The following MBD5 variants were observed in gnomAD, a reference collection of about 807,000 sequenced individuals.
The protein encoded by MBD5 is methyl-CpG-binding domain protein 5.
MBD5 carries 13 observed loss-of-function variants against 117.3 expected under a neutral mutation model. The ratio of observed to expected loss-of-function variants is 0.11; its 90% CI spans 0.07 to 0.18. The LOEUF is 0.18. MBD5 is among the 10% of genes least tolerant of loss of function. The probability of loss-of-function intolerance (pLI) is 1.00; values close to 1 mark genes in which losing one functional copy is unlikely to be tolerated. For missense variants in MBD5, 1,879 were observed against 2,093.8 expected (o/e 0.90, Z 2.00); for synonymous variants, 727 against 766.4 (o/e 0.95, Z 0.85).
At chr2:148,337,179 T>A (rs1702819477) in intron 3 of MBD5, among the ~76,000 whole-genome samples, 1 of 152,196 alleles carries the variant, frequency 6.6e-6, no homozygotes, top group South Asian at 2.1e-4. Context: ...CTTTCCTGCC[T>A]AGTAGCCCGT....
chr2:148,426,207 G>A (rs1357346642), intron 4 of MBD5, among the ~76,000 whole-genome samples: 1 of 152,160 alleles, frequency 6.6e-6, no homozygotes, highest in Non-Finnish European at 1.5e-5. Flanking sequence ...AATCAATATT[G>A]TGAAAATGGC....
chr2:148,285,289 A>G (rs1353534753), intron 3 of MBD5, among the ~76,000 whole-genome samples: 1 of 152,236 alleles, frequency 6.6e-6, no homozygotes, highest in Non-Finnish European at 1.5e-5. Context: ...TACCTTTGAC[A>G]TTGTAACTGT....
chr2:148,253,608 A>G (rs1184867417), intron 3 of MBD5, among the ~76,000 whole-genome samples: 3 of 152,204 alleles, frequency 2.0e-5, no homozygotes, highest in African/African-American at 7.2e-5. Flanking sequence ...ACTGTAGTCT[A>G]TTAAGTATGC....
intron 4 of MBD5, among the ~76,000 whole-genome samples, chr2:148,390,248 T>G (rs1704524991): frequency 6.6e-6 from 1 of 152,066 alleles, no homozygotes; most frequent in South Asian, 2.1e-4. Flanking sequence ...GGCTTTACTC[T>G]TGGTTTCTCT....
At chr2:148,151,293 C>T (rs952434977) in intron 1 of MBD5, among the ~76,000 whole-genome samples, 2 of 151,576 alleles carry the variant, frequency 1.3e-5, no homozygotes, top group Admixed American at 6.6e-5. Context: ...GGATGAAGCC[C>T]ACTTGATCAT....
intron 1 of MBD5, among the ~76,000 whole-genome samples, chr2:148,150,144 C>T (rs1371797970): frequency 7.4e-6 from 1 of 135,416 alleles, no homozygotes; most frequent in Non-Finnish European, 1.6e-5. Context: ...GATCCAGTTT[C>T]AGCTTTCTAC....
chr2:148,254,342 AC>A (rs1472311581), intron 3 of MBD5, among the ~76,000 whole-genome samples: 1 of 152,164 alleles, frequency 6.6e-6, no homozygotes, highest in African/African-American at 2.4e-5. Flanking sequence ...GTTTTGCAAC[AC>A]CACCTTTCTG....
intron 1 of MBD5, among the ~76,000 whole-genome samples, chr2:148,087,508 G>A (rs540865799): frequency 6.6e-6 from 1 of 152,294 alleles, no homozygotes; most frequent in East Asian, 1.9e-4. Context: ...GGTATCCATG[G>A]CTGGGAGACC....
At chr2:148,167,321 T>G (rs1056550133) in intron 1 of MBD5, among the ~76,000 whole-genome samples, 1 of 152,170 alleles carries the variant, frequency 6.6e-6, no homozygotes, top group Non-Finnish European at 1.5e-5. Flanking sequence ...CATATCTTGT[T>G]GTTTAAACTT....
In MBD5 at chr2:148,179,171, G is replaced by T. The variant is rs1329673018; in HGVS notation, c.-831+378G>T. On this transcript the variant is annotated intron_variant, in intron 2 of 13. Transcript: ENST00000642680. ...AGATCCAGACCATCCTGGAGAACAC[G>T]GTGAAACCCGGTCTCTACTGAAAAT... Among the ~76,000 whole-genome samples the T allele has an allele frequency of 2.0e-5, 3 of 152,040 alleles. No homozygotes were observed. In the South Asian group the frequency reaches 6.2e-4, roughly 32 times the overall value.
At chr2:148,461,106 T>C (rs1707060222) in intron 5 of MBD5, among the ~76,000 whole-genome samples, 1 of 152,170 alleles carries the variant, frequency 6.6e-6, no homozygotes, top group African/African-American at 2.4e-5. Context: ...CTAATGTTTG[T>C]ATTTTTAGTA....
intron 11 of MBD5, among the ~76,000 whole-genome samples, chr2:148,501,747 A>C (rs1681878209): frequency 6.6e-6 from 1 of 152,172 alleles, no homozygotes; most frequent in Non-Finnish European, 1.5e-5. Context: ...TGGCAGTGAT[A>C]AAGCAAGACA....
chr2:148,126,244 A>G lies in MBD5; in HGVS notation c.-924-52456A>G, dbSNP rs1306992578. Among the ~76,000 whole-genome samples the G allele has an allele frequency of 2.6e-5, 4 of 151,810 alleles. No homozygotes were observed. The East Asian group carries it at 7.7e-4, about 29-fold the overall frequency. ...AACCTCGTTTCTACTAAAAATAAAA[A>G]AAAAAAAAAATTTAGCTGGGCGTGG... On this transcript the variant is annotated intron_variant, in intron 1 of 13. Coordinates refer to ENST00000642680, the MANE Select transcript of MBD5 (RefSeq NM_001378120.1).
At chr2:148,276,063 G>A (rs937119996) in intron 3 of MBD5, among the ~76,000 whole-genome samples, 4 of 152,016 alleles carry the variant, frequency 2.6e-5, no homozygotes, top group African/African-American at 9.7e-5. Flanking sequence ...TGTATTCCCA[G>A]CACTTTGGGA....
At chr2:148,266,627 T>C (rs1203453082) in intron 3 of MBD5, among the ~76,000 whole-genome samples, 1 of 152,040 alleles carries the variant, frequency 6.6e-6, no homozygotes, top group African/African-American at 2.4e-5. Context: ...ATAGAGTTAA[T>C]AGAAAATGTC....
rs560207126 is a variant in MBD5, at chr2:148,429,317, G to C, written c.-556-28886G>C. ...ATGAGATACCATCTCACACCAGTTA[G>C]AATGGTGTTCATTAACAAGTCAGGA... On this transcript the variant is annotated intron_variant, in intron 4 of 13. Transcript: ENST00000642680. Among the ~76,000 whole-genome samples, 12 of 152,286 alleles carry C rather than the reference G, an allele frequency of 7.9e-5. No homozygotes were observed. The South Asian group carries it at 2.3e-3, about 29-fold the overall frequency.
chr2:148,273,315 A>G (rs781274007), intron 3 of MBD5, among the ~76,000 whole-genome samples: 1 of 152,160 alleles, frequency 6.6e-6, no homozygotes, highest in African/African-American at 2.4e-5. Flanking sequence ...TTGCTTGGGG[A>G]TTGAAACTGC....
At chr2:148,178,612 G>A in intron 1 of MBD5, 88 bp from the exon 2 acceptor site, 3 of 389,342 alleles carry the variant, frequency 7.7e-6, no homozygotes, top group Non-Finnish European at 1.4e-5. Flanking sequence ...AAGTCATGAA[G>A]AATAATTTCA....
chr2:148,157,954 G>A (rs1697914173), intron 1 of MBD5, among the ~76,000 whole-genome samples: 1 of 152,110 alleles, frequency 6.6e-6, no homozygotes, highest in African/African-American at 2.4e-5. Context: ...GATAGAGGTG[G>A]TGGTTACACA....
Sources: allele counts gnomAD v4.1 joint callset (sites outside exome capture counted in the v4.1 genomes callset), GRCh38; gene constraint gnomAD v4.1.1; transcripts MANE v1.5; gene names NCBI Gene and HGNC (gene_info 2026-07-23, HGNC 2026-07-21).